Variants in TPD52L2 observed in about 807,000 individuals in gnomAD.
TPD52L2 encodes the protein tumor protein D54.
In TPD52L2, 19 loss-of-function variants were observed where a neutral mutation model predicts 24.7. That is an observed-to-expected ratio of 0.77 (90% CI 0.54 to 1.13). The LOEUF (loss-of-function observed/expected upper bound fraction) is 1.13, where lower values mean the gene tolerates loss of function less well. Among genes scored for constraint, TPD52L2 ranks in the 50% most tolerant of loss-of-function variants. The probability of loss-of-function intolerance (pLI) is 0.00; values close to 1 mark genes in which losing one functional copy is unlikely to be tolerated. For synonymous variants in TPD52L2, 104 were observed against 100.2 expected, an observed-to-expected ratio of 1.04 and a Z score of -0.23; for missense variants, 236 against 250.4, an observed-to-expected ratio of 0.94 and a Z score of 0.39.
chr20:63,886,597 C>T (rs1416922247), intron 5 of TPD52L2, among the ~76,000 whole-genome samples: 1 of 151,940 alleles, frequency 6.6e-6, no homozygotes, highest in Non-Finnish European at 1.5e-5. Flanking sequence ...GATCCGCCCG[C>T]CTCGGCCTCC....
intron 5 of TPD52L2, chr20:63,887,604 AG>A (rs1216809229): frequency 5.6e-6 from 9 of 1,613,230 alleles, no homozygotes; most frequent in Non-Finnish European, 7.6e-6. Flanking sequence ...GCCAGCCATG[AG>A]GTAATGTATG....
At chr20:63,883,234 G>A (rs1229334651) in intron 5 of TPD52L2, among the ~76,000 whole-genome samples, 4 of 152,152 alleles carry the variant, frequency 2.6e-5, no homozygotes, top group African/African-American at 9.7e-5. Flanking sequence ...TGTTTCCCAG[G>A]TCTCAGAAAG....
At chr20:63,883,339 G>A (rs1337154004) in intron 5 of TPD52L2, among the ~76,000 whole-genome samples, 1 of 152,192 alleles carries the variant, frequency 6.6e-6, no homozygotes, top group African/African-American at 2.4e-5. Flanking sequence ...AAGCAGGGCT[G>A]GGGCCAAGGA....
intron 5 of TPD52L2, chr20:63,887,859 C>G (rs2053192180): frequency 3.6e-6 from 2 of 560,410 alleles, no homozygotes; most frequent in Middle Eastern, 4.8e-4. Flanking sequence ...GTGTCCTTTC[C>G]AAGTCCTGAC....
At chr20:63,881,757 G>C (rs971639497) in intron 4 of TPD52L2, among the ~76,000 whole-genome samples, 2 of 152,248 alleles carry the variant, frequency 1.3e-5, no homozygotes, top group Admixed American at 1.3e-4. Context: ...GCTTCACTGA[G>C]GGAGGAGCCG....
At chr20:63,882,183 C>T (rs546324238) in intron 4 of TPD52L2, among the ~76,000 whole-genome samples, 47 of 152,344 alleles carry the variant, frequency 3.1e-4, no homozygotes, top group African/African-American at 1.0e-3. Context: ...TCCCCACAGA[C>T]GTGGTTGAGC....
chr20:63,886,100 G>T (rs1373835108), intron 5 of TPD52L2: 3 of 1,570,228 alleles, frequency 1.9e-6, no homozygotes, highest in Non-Finnish European at 2.6e-6. Context: ...GGGCAGGGTG[G>T]ACTCCGGCAG....
At chr20:63,868,795 T>C (rs1010933153) in intron 1 of TPD52L2, among the ~76,000 whole-genome samples, 1 of 152,094 alleles carries the variant, frequency 6.6e-6, no homozygotes, top group African/African-American at 2.4e-5. Context: ...AATACAAAAA[T>C]AGCCAGCGTG....
chr20:63,874,208 C>G (rs1044443063), intron 3 of TPD52L2, among the ~76,000 whole-genome samples: 1 of 148,068 alleles, frequency 6.8e-6, no homozygotes, highest in Admixed American at 6.8e-5. Context: ...CCTCCCACCG[C>G]GCCCGGCTGA....
At chr20:63,873,572 C>G in intron 2 of TPD52L2, 96 bp from the exon 3 acceptor site, 1 of 1,386,994 alleles carries the variant, frequency 7.2e-7, no homozygotes, top group South Asian at 1.4e-5. Context: ...CTTTGGTAAG[C>G]GGAAAGTTCT....
intron 5 of TPD52L2, among the ~76,000 whole-genome samples, chr20:63,885,299 A>G (rs2053050678): frequency 6.6e-6 from 1 of 152,204 alleles, no homozygotes; most frequent in Non-Finnish European, 1.5e-5. Flanking sequence ...GGGGGTTTAC[A>G]GCAGGGTCAG....
chr20:63,865,519 C>T (rs2052181142), intron 1 of TPD52L2, 135 bp downstream of exon 1: 4 of 1,180,934 alleles, frequency 3.4e-6, no homozygotes, highest in Middle Eastern at 2.5e-4. Context: ...CTTCAGCTCC[C>T]GGGGCCACTG....
At chr20:63,868,028 C>T (rs899774774) in intron 1 of TPD52L2, among the ~76,000 whole-genome samples, 1 of 151,948 alleles carries the variant, frequency 6.6e-6, no homozygotes, top group East Asian at 1.9e-4. Flanking sequence ...ATTCTCCTGC[C>T]TCAGCCTCCC....
chr20:63,866,898 G>T (rs2052266259), intron 1 of TPD52L2, among the ~76,000 whole-genome samples: 2 of 151,222 alleles, frequency 1.3e-5, no homozygotes, highest in Admixed American at 6.6e-5. Flanking sequence ...CAGCCTCCCA[G>T]GTAGCTGGGA....
At chr20:63,880,380 A>G (rs1418951216) in intron 4 of TPD52L2, among the ~76,000 whole-genome samples, 7 of 72,684 alleles carry the variant, frequency 9.6e-5, no homozygotes, top group South Asian at 6.5e-4. Context: ...CCCACTCTTT[A>G]GGCACAAATG....
In TPD52L2 at chr20:63,882,407, C is replaced by T. The variant is rs532107371; in HGVS notation, c.375-312C>T. 5.3e-5 allele frequency among the ~76,000 whole-genome samples: 8 copies of T among 152,334 alleles called. No individual in the cohort carries two copies. In the Middle Eastern group the frequency reaches 0.01, roughly 194 times the overall value. ...ACAGGAAAGCGAGCTTAGTGGGTAT[C>T]AGGCAAGGGGGTGAAATTGGGTTGT... On this transcript the variant is annotated intron_variant, in intron 4 of 6. Coordinates refer to ENST00000346249, the MANE Select transcript of TPD52L2 (RefSeq NM_003288.4).
chr20:63,881,081 G>T (rs1453082444), intron 4 of TPD52L2, among the ~76,000 whole-genome samples: 3 of 152,120 alleles, frequency 2.0e-5, no homozygotes, highest in African/African-American at 4.8e-5. Context: ...ATCCGAGCGG[G>T]CTGGGCGCAG....
At chr20:63,878,596 G>T (rs2052777495) in intron 4 of TPD52L2, among the ~76,000 whole-genome samples, 1 of 152,318 alleles carries the variant, frequency 6.6e-6, no homozygotes, top group South Asian at 2.1e-4. Flanking sequence ...ACTAATGGCT[G>T]CGGCCTTGGA....
At chr20:63,865,524 C>T (rs1460550646) in intron 1 of TPD52L2, 140 bp downstream of exon 1, 2 of 1,137,054 alleles carry the variant, frequency 1.8e-6, no homozygotes, top group Admixed American at 3.0e-5. Context: ...GCTCCCGGGG[C>T]CACTGACCTC....
Sources: allele counts gnomAD v4.1 joint callset (sites outside exome capture counted in the v4.1 genomes callset), GRCh38; gene constraint gnomAD v4.1.1; transcripts MANE v1.5; gene names NCBI Gene and HGNC (gene_info 2026-07-23, HGNC 2026-07-21).